MICU2: variants seen among roughly 807,000 people sequenced by gnomAD.
MICU2 encodes the protein calcium uptake protein 2, mitochondrial.
In MICU2, 64 loss-of-function variants were observed where a neutral mutation model predicts 60.4. That is an observed-to-expected ratio of 1.06 (90% CI 0.87 to 1.31). MICU2 has a LOEUF of 1.31. MICU2 is among the 50% of genes most tolerant of loss of function. The probability of loss-of-function intolerance (pLI) is 0.00; values close to 1 mark genes in which losing one functional copy is unlikely to be tolerated. For missense variants in MICU2, 569 were observed against 531.0 expected (o/e 1.07, Z -0.70); for synonymous variants, 201 against 175.0 (o/e 1.15, Z -1.17).
Position 21,539,700 on chromosome 13 carries a change from AAG to A in MICU2, c.359-14_359-13del. 1 of 1,613,290 alleles carries A rather than the reference AAG, an allele frequency of 6.2e-7. No individual in the cohort carries two copies. Among genetic ancestry groups the A allele is most frequent in the African/African-American group, 1.3e-5 (1 of 75,052 alleles). On this transcript the variant is annotated splice_polypyrimidine_tract_variant and intron_variant, in intron 2 of 11. Transcript: ENST00000382374. The stretch of plus-strand genomic sequence containing the variant: ...GACTGAAGTTTTACCTACAACAAAT[AAG>A]AAACATTATTTAGTATCCATATTCT...
chr13:21,525,791 T>G (rs1208330623), intron 4 of MICU2, among the ~76,000 whole-genome samples: 1 of 151,978 alleles, frequency 6.6e-6, no homozygotes, highest in Non-Finnish European at 1.5e-5. Flanking sequence ...ATTCTGGTTA[T>G]TATCCCTTAT....
At chr13:21,603,794 C>T in intron 1 of MICU2, 145 bp downstream of exon 1, 1 of 899,154 alleles carries the variant, frequency 1.1e-6, no homozygotes. Flanking sequence ...GAGCGAGTCC[C>T]ACCAGTCGCA....
intron 4 of MICU2, among the ~76,000 whole-genome samples, chr13:21,528,592 C>T (rs2138177207): frequency 6.6e-6 from 1 of 152,304 alleles, no homozygotes; most frequent in South Asian, 2.1e-4. Flanking sequence ...ATAAACAATT[C>T]TACTGTTCTC....
rs1393021179 is a variant in MICU2, at chr13:21,604,021, G to A, written c.128C>T (p.Ala43Val). 1 of 1,608,458 alleles carries A rather than the reference G, an allele frequency of 6.2e-7. No homozygotes were observed. Among genetic ancestry groups the A allele is most frequent in the Admixed American group, 1.7e-5 (1 of 59,842 alleles). Residue 43 changes from alanine (A) to valine (V), a missense_variant, in exon 1 of 12, where the codon GCC (alanine) becomes GTC (valine). Coordinates refer to ENST00000382374, the MANE Select transcript of MICU2 (RefSeq NM_152726.3). ...CCAGGCCGCTCCTGCTCCTGCCAGGGCCGCGCCGGCCACTGCCGCTGCCAA... is the reference window on the plus strand; with the variant it reads ...CCAGGCCGCTCCTGCTCCTGCCAGGACCGCGCCGGCCACTGCCGCTGCCAA... ...GPLAAAVAGAALAGAGAAWHH... is the reference protein window; with the variant it reads ...GPLAAAVAGAVLAGAGAAWHH...
In MICU2 at chr13:21,521,213, T is replaced by G. The variant is rs199883704; in HGVS notation, c.597+32A>C. 5.4e-6 allele frequency: 8 copies of G among 1,478,924 alleles called. No homozygotes were observed. In the Admixed American group the frequency reaches 1.6e-4, roughly 29 times the overall value. 91.6% of individuals were successfully genotyped at this position (1,478,924 alleles called of 1,614,324 possible). Reference sequence around the variant, plus strand: ...ATCACACAAACATCCAGGTATTTTATGATAAACCTAAAATAATTAGCGTCC... The same window carrying G: ...ATCACACAAACATCCAGGTATTTTAGGATAAACCTAAAATAATTAGCGTCC... On this transcript the variant is annotated intron_variant, in intron 6 of 11. Transcript: ENST00000382374.
intron 8 of MICU2, among the ~76,000 whole-genome samples, chr13:21,506,547 C>G (rs2138142617): frequency 6.6e-6 from 1 of 152,326 alleles, no homozygotes. Context: ...GAGGCTATTT[C>G]ATTTTCACTC....
intron 2 of MICU2, among the ~76,000 whole-genome samples, chr13:21,545,621 C>T (rs1176428596): frequency 1.3e-5 from 2 of 151,716 alleles, no homozygotes; most frequent in Non-Finnish European, 2.9e-5. Context: ...GCAGAGGTTG[C>T]TGTGAGCCGA....
chr13:21,497,155 C>T (rs529863156), intron 9 of MICU2, among the ~76,000 whole-genome samples: 1 of 150,984 alleles, frequency 6.6e-6, no homozygotes, highest in South Asian at 2.1e-4. Flanking sequence ...GGCAGATCAC[C>T]TGAGGTCAGC....
At chr13:21,580,389 A>G (rs545492508) in intron 1 of MICU2, among the ~76,000 whole-genome samples, 1 of 152,334 alleles carries the variant, frequency 6.6e-6, no homozygotes, top group South Asian at 2.1e-4. Flanking sequence ...GCATGGACAG[A>G]GCTAGCATTT....
Position 21,603,938 on chromosome 13 carries a change from C to T in MICU2, c.210+1G>A. Reference sequence around the variant, plus strand: ...GCTAGCAGAAGGAGTTAGTCCTGTACCTGTGCGGAGACTGTAAAACTGCCA... The same window carrying T: ...GCTAGCAGAAGGAGTTAGTCCTGTATCTGTGCGGAGACTGTAAAACTGCCA... On this transcript the variant is annotated splice_donor_variant, in intron 1 of 11. Transcript: ENST00000382374. LOFTEE classifies it high-confidence loss of function. 3 of 1,612,444 alleles carry T rather than the reference C, an allele frequency of 1.9e-6. No homozygotes were observed. Among genetic ancestry groups the T allele is most frequent in the Non-Finnish European group, 2.5e-6 (3 of 1,179,572 alleles).
At chr13:21,513,063 A>G (rs1317332955) in intron 7 of MICU2, among the ~76,000 whole-genome samples, 1 of 152,090 alleles carries the variant, frequency 6.6e-6, no homozygotes, top group African/African-American at 2.4e-5. Context: ...TGATTTTTGT[A>G]CATTTTTCTT....
At chr13:21,578,276 C>CA (rs767565558) in intron 1 of MICU2, among the ~76,000 whole-genome samples, 172 of 152,212 alleles carry the variant, frequency 1.1e-3, no homozygotes, top group Non-Finnish European at 2.0e-3. Flanking sequence ...ATTCCAAACT[C>CA]AAAGTGTGTC....
chr13:21,538,562 C>CAAAA (rs71650194), intron 4 of MICU2, among the ~76,000 whole-genome samples: 26,260 of 101,564 alleles, frequency 0.26, 4,073 homozygotes, highest in Non-Finnish European at 0.34. Flanking sequence ...GACCCTGTCT[C>CAAAA]AAAAAAAAAA....
chr13:21,514,691 C>T (rs1356132419), intron 6 of MICU2, among the ~76,000 whole-genome samples: 1 of 145,666 alleles, frequency 6.9e-6, no homozygotes, highest in Non-Finnish European at 1.5e-5. Flanking sequence ...CGCCACCACT[C>T]CCGTTAATTT....
intron 1 of MICU2, chr13:21,602,795 T>G (rs1888854735): frequency 1.3e-5 from 2 of 152,192 alleles, no homozygotes; most frequent in African/African-American, 4.8e-5. Context: ...CTTGAGTTTT[T>G]CGCTAGAAAG....
intron 2 of MICU2, among the ~76,000 whole-genome samples, chr13:21,546,244 A>G (rs893091598): frequency 8.6e-5 from 13 of 151,074 alleles, no homozygotes; most frequent in Admixed American, 4.0e-4. Context: ...TTCCTTGCCA[A>G]TTTCCAAAGT....
intron 2 of MICU2, among the ~76,000 whole-genome samples, chr13:21,558,819 G>A (rs925090442): frequency 1.1e-4 from 17 of 152,112 alleles, no homozygotes; most frequent in African/African-American, 3.9e-4. Context: ...ACAGGTGAGG[G>A]ATGGCAGGGA....
intron 8 of MICU2, among the ~76,000 whole-genome samples, chr13:21,509,286 TAAAG>T (rs1269746248): frequency 6.6e-6 from 1 of 152,218 alleles, no homozygotes; most frequent in African/African-American, 2.4e-5. Context: ...ACCTTTTAGA[TAAAG>T]AAATGAGCTT....
intron 1 of MICU2, among the ~76,000 whole-genome samples, chr13:21,597,315 A>G (rs1431617357): frequency 6.6e-6 from 1 of 151,898 alleles, no homozygotes; most frequent in Admixed American, 6.6e-5. Flanking sequence ...TTATTTACTT[A>G]TGTTTTCTAA....
Sources: gnomAD v4.1 joint callset for allele counts (sites outside exome capture counted in the v4.1 genomes callset) on GRCh38, gnomAD v4.1.1 for gene constraint, MANE v1.5 for transcripts, NCBI Gene and HGNC (gene_info 2026-07-23, HGNC 2026-07-21) for gene names.